The following CTNNBL1 variants were observed in gnomAD, a reference collection of about 807,000 sequenced individuals.
CTNNBL1 encodes the protein catenin beta like 1.
A neutral mutation model predicts 72.7 loss-of-function variants in CTNNBL1; 31 were observed. The ratio of observed to expected loss-of-function variants is 0.43; its 90% CI spans 0.32 to 0.58. CTNNBL1 has a LOEUF of 0.58. Ranked by LOEUF, CTNNBL1 falls within the 20% of genes least tolerant of loss-of-function variation. The pLI is 0.08. For missense variants in CTNNBL1, 534 were observed against 725.1 expected, an observed-to-expected ratio of 0.74 and a Z score of 3.03; for synonymous variants, 240 against 267.3, an observed-to-expected ratio of 0.90 and a Z score of 1.00.
intron 11 of CTNNBL1, among the ~76,000 whole-genome samples, chr20:37,805,555 C>A (rs1175438537): frequency 6.6e-6 from 1 of 152,008 alleles, no homozygotes; most frequent in Non-Finnish European, 1.5e-5. Context: ...CACCACCACA[C>A]CCAGCTACTT....
chr20:37,761,705 A>C (rs1202134088), intron 5 of CTNNBL1, among the ~76,000 whole-genome samples: 4 of 152,246 alleles, frequency 2.6e-5, no homozygotes, highest in African/African-American at 9.6e-5. Flanking sequence ...ATACATAAAC[A>C]AGAAAACTAT....
intron 11 of CTNNBL1, among the ~76,000 whole-genome samples, chr20:37,828,811 G>A (rs771043040): frequency 7.9e-5 from 12 of 152,206 alleles, no homozygotes; most frequent in Non-Finnish European, 1.6e-4. Context: ...ATATTCAGCC[G>A]GAGTGGCTGA....
intron 10 of CTNNBL1, among the ~76,000 whole-genome samples, chr20:37,791,811 C>T (rs1272542236): frequency 6.6e-6 from 1 of 152,178 alleles, no homozygotes; most frequent in East Asian, 1.9e-4. Context: ...TGAGATGGAA[C>T]AGTTTCATCC....
chr20:37,799,721 A>G (rs529350328), intron 10 of CTNNBL1, among the ~76,000 whole-genome samples: 35 of 152,212 alleles, frequency 2.3e-4, no homozygotes, highest in Admixed American at 6.5e-4. Flanking sequence ...GCATAAAGAC[A>G]TATGCTCAAT....
intron 13 of CTNNBL1, among the ~76,000 whole-genome samples, chr20:37,852,835 C>T (rs965558499): frequency 5.9e-5 from 9 of 152,260 alleles, no homozygotes; most frequent in Middle Eastern, 3.4e-3. Context: ...TCCCTGATCT[C>T]GTGCAGGCTT....
chr20:37,824,425 T>C (rs2072139799), intron 11 of CTNNBL1, among the ~76,000 whole-genome samples: 1 of 152,238 alleles, frequency 6.6e-6, no homozygotes, highest in Non-Finnish European at 1.5e-5. Flanking sequence ...AAAATGAGTG[T>C]GATCGTGCAC....
At chr20:37,740,532 C>T (rs2073206843) in intron 3 of CTNNBL1, among the ~76,000 whole-genome samples, 1 of 152,212 alleles carries the variant, frequency 6.6e-6, no homozygotes, top group East Asian at 1.9e-4. Flanking sequence ...CTAGAGTGTG[C>T]TGTTTCCCTA....
chr20:37,767,517 G>A (rs568620160), intron 6 of CTNNBL1, among the ~76,000 whole-genome samples: 1 of 152,218 alleles, frequency 6.6e-6, no homozygotes, highest in East Asian at 1.9e-4. Context: ...AAATAGAACT[G>A]CAAATGGATG....
At chr20:37,828,828 A>T (rs1328062648) in intron 11 of CTNNBL1, among the ~76,000 whole-genome samples, 1 of 152,220 alleles carries the variant, frequency 6.6e-6, no homozygotes, top group Non-Finnish European at 1.5e-5. Flanking sequence ...CTGAGCACAC[A>T]TGCGTGACTC....
chr20:37,779,673 T>C (rs181155509), intron 10 of CTNNBL1, among the ~76,000 whole-genome samples: 93 of 152,282 alleles, frequency 6.1e-4, no homozygotes, highest in Non-Finnish European at 1.1e-3. Context: ...AAACTTGGAC[T>C]AATTTTCTGT....
intron 1 of CTNNBL1, among the ~76,000 whole-genome samples, chr20:37,709,522 A>G (rs1183754178): frequency 6.6e-6 from 1 of 152,206 alleles, no homozygotes. Context: ...ACAGTTTGTC[A>G]TGTTATCTTT....
intron 5 of CTNNBL1, among the ~76,000 whole-genome samples, chr20:37,762,216 T>G (rs1303034230): frequency 6.6e-6 from 1 of 152,016 alleles, no homozygotes; most frequent in Non-Finnish European, 1.5e-5. Context: ...TCTCAAAACT[T>G]GTTTGATCAA....
chr20:37,753,882 G>A (rs1006750182), intron 4 of CTNNBL1, among the ~76,000 whole-genome samples: 1 of 152,218 alleles, frequency 6.6e-6, no homozygotes, highest in East Asian at 1.9e-4. Flanking sequence ...ATAATTTTGG[G>A]ACCATTCAGG....
At chr20:37,747,229 A>G (rs2073274235) in intron 4 of CTNNBL1, among the ~76,000 whole-genome samples, 1 of 151,882 alleles carries the variant, frequency 6.6e-6, no homozygotes, top group Non-Finnish European at 1.5e-5. Context: ...ATAAAAATTA[A>G]CTGGACGTGG....
chr20:37,822,678 C>T (rs1644122341), intron 11 of CTNNBL1, among the ~76,000 whole-genome samples: 1 of 152,144 alleles, frequency 6.6e-6, no homozygotes, highest in African/African-American at 2.4e-5. Context: ...AAAGCTGGCT[C>T]ATGAAGTGAG....
chr20:37,772,435 G>T (rs974751871), intron 7 of CTNNBL1, among the ~76,000 whole-genome samples: 2 of 152,152 alleles, frequency 1.3e-5, no homozygotes, highest in Admixed American at 1.3e-4. Flanking sequence ...TGCAAGCTCC[G>T]TCTCCTGGGT....
At chr20:37,813,607 G>A (rs1282717251) in intron 11 of CTNNBL1, among the ~76,000 whole-genome samples, 1 of 152,116 alleles carries the variant, frequency 6.6e-6, no homozygotes, top group African/African-American at 2.4e-5. Flanking sequence ...GCTCTTTAGG[G>A]GCAGCATTAC....
chr20:37,697,572 T>C (rs1363000330), intron 1 of CTNNBL1, among the ~76,000 whole-genome samples: 2 of 152,190 alleles, frequency 1.3e-5, no homozygotes, highest in Non-Finnish European at 2.9e-5. Flanking sequence ...GCCTTCCTTG[T>C]GGGCCACGAT....
At chr20:37,844,239 G>A (rs1004494757) in intron 13 of CTNNBL1, among the ~76,000 whole-genome samples, 1 of 152,110 alleles carries the variant, frequency 6.6e-6, no homozygotes, top group Admixed American at 6.5e-5. Flanking sequence ...GTGGCAAAGA[G>A]AAGACCTGGG....
Sources: gnomAD v4.1 joint callset for allele counts (sites outside exome capture counted in the v4.1 genomes callset) on GRCh38, gnomAD v4.1.1 for gene constraint, MANE v1.5 for transcripts, NCBI Gene and HGNC (gene_info 2026-07-23, HGNC 2026-07-21) for gene names.